Variants in RHBDL2 observed in about 807,000 individuals in gnomAD.
RHBDL2 encodes rhomboid like 2.
RHBDL2 carries 26 observed loss-of-function variants against 31.7 expected under a neutral mutation model. The ratio of observed to expected loss-of-function variants is 0.82; its 90% confidence interval spans 0.60 to 1.14. RHBDL2 has a LOEUF of 1.14. Among genes scored for constraint, RHBDL2 ranks in the 50% most tolerant of loss-of-function variants. The probability of loss-of-function intolerance (pLI) is 0.00; values close to 1 mark genes in which losing one functional copy is unlikely to be tolerated. For missense variants in RHBDL2, 336 were observed against 364.4 expected (o/e 0.92, Z 0.63); for synonymous variants, 123 against 127.2 (o/e 0.97, Z 0.22).
intron 7 of RHBDL2, 74 bp from the exon 8 acceptor site, chr1:38,886,757 A>AC: frequency 8.2e-7 from 1 of 1,214,514 alleles, no homozygotes; most frequent in South Asian, 1.9e-5. Flanking sequence ...CATCTCTCTT[A>AC]TTCAAACACA....
intron 4 of RHBDL2, 32 bp downstream of exon 4, chr1:38,911,290 G>T (rs1371610935): frequency 2.9e-6 from 4 of 1,385,474 alleles, no homozygotes; most frequent in African/African-American, 2.8e-5. Context: ...GAGCCCAGAG[G>T]TATTGATTCT....
chr1:38,934,935 G>A lies in RHBDL2; in HGVS notation c.-126+6747C>T, dbSNP rs552128172. The stretch of plus-strand genomic sequence containing the variant: ...ATCATGCCACTGCACTCCAGCCTGG[G>A]TGACAAAGCTAGGCTCAGTCGCAAA... On this transcript the variant is annotated intron_variant, in intron 1 of 7. Transcript: ENST00000372990. Among the ~76,000 whole-genome samples the A allele has an allele frequency of 2.6e-3, 381 of 147,552 alleles. 1 individual carries two copies. Among genetic ancestry groups the A allele is most frequent in the African/African-American group, 9.2e-3 (367 of 39,692 alleles).
chr1:38,891,775 G>A (rs1474051996), intron 6 of RHBDL2, among the ~76,000 whole-genome samples: 2 of 152,124 alleles, frequency 1.3e-5, no homozygotes, highest in Non-Finnish European at 2.9e-5. Context: ...CCTGTAATGG[G>A]GATAATCGAA....
chr1:38,918,906 C>G, intron 2 of RHBDL2, 61 bp downstream of exon 2: 1 of 1,570,726 alleles, frequency 6.4e-7, no homozygotes, highest in South Asian at 1.2e-5. Context: ...GATCTGACCC[C>G]TAGTTTGTTC....
intron 1 of RHBDL2, among the ~76,000 whole-genome samples, chr1:38,935,898 G>A (rs1309208565): frequency 1.3e-5 from 2 of 152,060 alleles, no homozygotes; most frequent in Admixed American, 1.3e-4. Flanking sequence ...ACAGGTATGA[G>A]CCACCACACC....
intron 1 of RHBDL2, chr1:38,926,113 T>G (rs1643371832): frequency 8.5e-7 from 1 of 1,182,112 alleles, no homozygotes; most frequent in Non-Finnish European, 1.1e-6. Flanking sequence ...ATGCCCAATA[T>G]TCACTTTTGC....
chr1:38,916,710 CA>C (rs71057163), intron 2 of RHBDL2, among the ~76,000 whole-genome samples: 58,428 of 145,520 alleles, frequency 0.4, 11,979 homozygotes, highest in Non-Finnish European at 0.47. Context: ...AACAAACAAA[CA>C]AAAAAAAAAA....
At chr1:38,902,195 CTTTTTCTTTTTTT>C (rs1448820244) in intron 4 of RHBDL2, among the ~76,000 whole-genome samples, 2 of 110,084 alleles carry the variant, frequency 1.8e-5, no homozygotes, top group South Asian at 5.8e-4. Flanking sequence ...CTTCTTTTTT[CTTTTTCTTTTTTT>C]TTTTTTTTTT....
intron 3 of RHBDL2, 149 bp from the exon 4 acceptor site, chr1:38,911,583 TTTTTTC>T (rs1455991570): frequency 3.2e-6 from 2 of 619,846 alleles, no homozygotes; most frequent in East Asian, 5.6e-5. Flanking sequence ...AGACAACTCT[TTTTTTC>T]TTTTTCTTTT....
chr1:38,906,396 C>T (rs953743031), intron 4 of RHBDL2, among the ~76,000 whole-genome samples: 49 of 152,008 alleles, frequency 3.2e-4, no homozygotes, highest in East Asian at 1.2e-3. Context: ...ATGCACAGGC[C>T]GGGCGCAGTG....
rs1440480447 is a variant in RHBDL2 at position 38,893,157 on chromosome 1, CACTT to C, written c.670+3_670+6del. ...GACAGTATGAAGTATTCACAAAACACACTTACTTATCAGGATGATGATCAGCAGT... is the reference window on the plus strand; with the variant it reads ...GACAGTATGAAGTATTCACAAAACACACTTATCAGGATGATGATCAGCAGT... On this transcript the variant is annotated splice_donor_5th_base_variant and intron_variant, in intron 6 of 7. Coordinates refer to ENST00000372990, the MANE Select transcript of RHBDL2 (RefSeq NM_017821.5). The C allele has an allele frequency of 1.3e-6, 2 of 1,511,072 alleles. No individual in the cohort carries two copies. The highest frequency in any genetic ancestry group is 1.1e-5 in the South Asian group (1 of 88,116). The allele number at this position is 1,511,072 out of a possible 1,614,324, so 93.6% of individuals were successfully genotyped here. A position where few individuals can be genotyped will look rare whatever the true frequency, so the allele number is the denominator to read the frequency against.
intron 4 of RHBDL2, among the ~76,000 whole-genome samples, chr1:38,899,762 G>C (rs186738396): frequency 1.3e-5 from 2 of 152,372 alleles, no homozygotes; most frequent in Non-Finnish European, 2.9e-5. Flanking sequence ...GAGCTGAGCT[G>C]CTGTGTTCCT....
Position 38,915,715 on chromosome 1 carries a change from T to C in RHBDL2, c.247-5A>G, listed in dbSNP as rs1385466816. On this transcript the variant is annotated splice_polypyrimidine_tract_variant and splice_region_variant and intron_variant, in intron 2 of 7. Coordinates refer to ENST00000372990, the MANE Select transcript of RHBDL2 (RefSeq NM_017821.5). ...ATAGTAAATAAACACTGCCAGCTGATGGAGGGAGCAGACATGAGTATTAAC... is the reference window on the plus strand; with the variant it reads ...ATAGTAAATAAACACTGCCAGCTGACGGAGGGAGCAGACATGAGTATTAAC... 1 of 1,613,924 alleles carries C rather than the reference T, an allele frequency of 6.2e-7. No individual in the cohort carries two copies. The highest frequency in any genetic ancestry group is 2.2e-5 in the East Asian group (1 of 44,886).
At chr1:38,930,297 G>A (rs1049780163) in intron 1 of RHBDL2, among the ~76,000 whole-genome samples, 10 of 152,016 alleles carry the variant, frequency 6.6e-5, no homozygotes, top group African/African-American at 1.5e-4. Context: ...GGATCCTCCC[G>A]TCTGCTCTGT....
At chr1:38,927,940 G>A (rs1009382885) in intron 1 of RHBDL2, among the ~76,000 whole-genome samples, 3 of 151,934 alleles carry the variant, frequency 2.0e-5, no homozygotes, top group Non-Finnish European at 2.9e-5. Flanking sequence ...GAAGAGTCTC[G>A]GGCGCCTGAC....
chr1:38,886,169 G>C lies in RHBDL2; in HGVS notation c.*335C>G, dbSNP rs2124295263. On this transcript the variant is annotated 3_prime_UTR_variant, in exon 8 of 8. Transcript: ENST00000372990. Reference sequence around the variant, plus strand: ...GGGTTTCACCATATTGGTCAGGCTGGTCTTGAACTCATGACCTCAGGTGAT... The same window carrying C: ...GGGTTTCACCATATTGGTCAGGCTGCTCTTGAACTCATGACCTCAGGTGAT... 6.3e-6 allele frequency: 1 copy of C among 159,560 alleles called. No homozygotes were observed. The highest frequency in any genetic ancestry group is 2.4e-5 in the African/African-American group (1 of 41,888). 9.9% of individuals were successfully genotyped at this position (159,560 alleles called of 1,614,324 possible). A position where few individuals can be genotyped will look rare whatever the true frequency, so the allele number is the denominator to read the frequency against.
rs542961078 is a variant in RHBDL2 at position 38,891,787 on chromosome 1, C to A, written c.670+1377G>T. Reference sequence around the variant, plus strand: ...GTTCCTGTAATGGGGATAATCGAACCCTTCATAGAAATTGCAAAATCCTGT... The same window carrying A: ...GTTCCTGTAATGGGGATAATCGAACACTTCATAGAAATTGCAAAATCCTGT... On this transcript the variant is annotated intron_variant, in intron 6 of 7. Coordinates refer to ENST00000372990, the MANE Select transcript of RHBDL2 (RefSeq NM_017821.5). 2.0e-4 allele frequency among the ~76,000 whole-genome samples: 31 copies of A among 152,254 alleles called. No homozygotes were observed. The South Asian group carries it at 4.2e-3, about 20-fold the overall frequency.
At chr1:38,924,030 G>C (rs986857436) in intron 1 of RHBDL2, among the ~76,000 whole-genome samples, 2 of 152,038 alleles carry the variant, frequency 1.3e-5, no homozygotes, top group African/African-American at 4.8e-5. Context: ...AAGGATTGGG[G>C]AGGGAGAGAA....
At chr1:38,910,679 A>G (rs1643126573) in intron 4 of RHBDL2, among the ~76,000 whole-genome samples, 1 of 151,876 alleles carries the variant, frequency 6.6e-6, no homozygotes, top group Non-Finnish European at 1.5e-5. Flanking sequence ...AAGGGCCTCC[A>G]TGATCTGGCT....
Sources: gnomAD v4.1 joint callset for allele counts (sites outside exome capture counted in the v4.1 genomes callset) on GRCh38, gnomAD v4.1.1 for gene constraint, MANE v1.5 for transcripts, NCBI Gene and HGNC (gene_info 2026-07-23, HGNC 2026-07-21) for gene names.